Variants in G6PC1 observed in about 807,000 individuals in gnomAD.
The protein encoded by G6PC1 is glucose-6-phosphatase catalytic subunit 1.
A neutral mutation model predicts 30.4 loss-of-function variants in G6PC1; 23 were observed. That is an observed-to-expected ratio of 0.76 (90% CI 0.55 to 1.07). G6PC1 has a LOEUF of 1.07. Among genes scored for constraint, G6PC1 ranks in the 50% least tolerant of loss-of-function variants. The pLI is 0.00. For synonymous variants in G6PC1, 163 were observed against 175.6 expected, an observed-to-expected ratio of 0.93 and a Z score of 0.57; for missense variants, 391 against 433.9, an observed-to-expected ratio of 0.90 and a Z score of 0.88.
chr17:42,901,795 T>A (rs2056028189), intron 1 of G6PC1, among the ~76,000 whole-genome samples: 1 of 152,004 alleles, frequency 6.6e-6, no homozygotes, highest in South Asian at 2.1e-4. Flanking sequence ...TAATGAAAAG[T>A]CACCCTGGGA....
rs545658086 is a variant in G6PC1, at chr17:42,912,631, C to T, written c.*1205C>T. 1 of 130,140 alleles carries T rather than the reference C, an allele frequency of 7.7e-6. No homozygotes were observed. Among genetic ancestry groups the T allele is most frequent in the South Asian group, 2.5e-4 (1 of 4,000 alleles). The allele number at this position is 130,140 out of a possible 1,614,324, so 8.1% of individuals were successfully genotyped here. On this transcript the variant is annotated 3_prime_UTR_variant, in exon 5 of 5. Coordinates refer to ENST00000253801, the MANE Select transcript of G6PC1 (RefSeq NM_000151.4). Reference sequence around the variant, plus strand: ...ACATTCTTAAAGGAAAAGTCAACATCTTCTCTCTTTTTTTTTTTTTTTGAG... The same window carrying T: ...ACATTCTTAAAGGAAAAGTCAACATTTTCTCTCTTTTTTTTTTTTTTTGAG...
rs1332725487 is a variant in G6PC1 at position 42,913,838 on chromosome 17, G to A, written c.*2412G>A. Among the ~76,000 whole-genome samples the A allele has an allele frequency of 2.0e-5, 3 of 152,178 alleles. No homozygotes were observed. Among genetic ancestry groups the A allele is most frequent in the Non-Finnish European group, 4.4e-5 (3 of 68,026 alleles). On this transcript the variant is annotated 3_prime_UTR_variant, in exon 5 of 5. Transcript: ENST00000253801. ...AGAGCCAGTCACAGCACCAAGGAAT[G>A]CTCAAGGGAGCTATTGCAGGTTTCT...
intron 4 of G6PC1, among the ~76,000 whole-genome samples, chr17:42,910,046 G>A (rs896123048): frequency 6.6e-6 from 1 of 151,876 alleles, no homozygotes; most frequent in Non-Finnish European, 1.5e-5. Context: ...TGTATTTTTA[G>A]CAGAGACGGG....
At chr17:42,901,481 G>A (rs2056025659) in intron 1 of G6PC1, among the ~76,000 whole-genome samples, 1 of 152,118 alleles carries the variant, frequency 6.6e-6, no homozygotes. Flanking sequence ...ACTTTGGGAG[G>A]CCGAGGTGGG....
intron 3 of G6PC1, 58 bp downstream of exon 3, chr17:42,907,686 G>T: frequency 1.3e-5 from 15 of 1,168,968 alleles, no homozygotes; most frequent in Non-Finnish European, 1.9e-5. Flanking sequence ...TCTCTCTGTA[G>T]CTGACACACC....
intron 1 of G6PC1, among the ~76,000 whole-genome samples, chr17:42,903,116 C>T (rs2056037268): frequency 7.2e-6 from 1 of 138,202 alleles, no homozygotes; most frequent in South Asian, 2.3e-4. Flanking sequence ...GAGTCTTGCT[C>T]TGTCACCCAG....
At chr17:42,903,252 T>G (rs537723383) in intron 1 of G6PC1, among the ~76,000 whole-genome samples, 1 of 152,068 alleles carries the variant, frequency 6.6e-6, no homozygotes, top group East Asian at 2.0e-4. Context: ...TGGCTAATTC[T>G]TTATATTTTT....
In G6PC1 at chr17:42,912,659, A is replaced by G. The variant is rs1447643965; in HGVS notation, c.*1233A>G. 2.1e-5 allele frequency: 3 copies of G among 145,846 alleles called. No individual in the cohort carries two copies. The highest frequency in any genetic ancestry group is 4.5e-5 in the Non-Finnish European group (3 of 66,796). The allele number at this position is 145,846 out of a possible 1,614,324, so 9.0% of individuals were successfully genotyped here. A position where few individuals can be genotyped will look rare whatever the true frequency, so the allele number is the denominator to read the frequency against. On this transcript the variant is annotated 3_prime_UTR_variant, in exon 5 of 5. Transcript: ENST00000253801. The stretch of plus-strand genomic sequence containing the variant: ...CTCTCTTTTTTTTTTTTTTTGAGAC[A>G]GGGTCTCACTATGTTGCCCAGGCTG...
At chr17:42,904,080 C>T in intron 2 of G6PC1, 40 bp downstream of exon 2, 1 of 1,321,708 alleles carries the variant, frequency 7.6e-7, no homozygotes, top group Non-Finnish European at 1.1e-6. Context: ...CTGAGTGGAC[C>T]TCGTTTACCT....
In G6PC1 at chr17:42,901,042, G is replaced by A. The variant is rs1181764519; in HGVS notation, c.166G>A (p.Ala56Thr). Reference protein sequence around the residue: ...LFPIWFHLQEAVGIKLLWVAV... With the variant: ...LFPIWFHLQETVGIKLLWVAV... ...CCCCATCTGGTTCCATCTTCAGGAA[G>A]CTGTGGGCATTAAACTCCTTTGGGT... is the stretch of plus-strand genomic sequence containing the variant. The change falls in exon 1 of 5, where the codon GCT becomes ACT. Residue 56 changes from alanine to threonine, a missense_variant. Coordinates refer to ENST00000253801, the MANE Select transcript of G6PC1 (RefSeq NM_000151.4). The A allele has an allele frequency of 6.2e-7, 1 of 1,614,082 alleles. No individual in the cohort carries two copies. Among genetic ancestry groups the A allele is most frequent in the African/African-American group, 1.3e-5 (1 of 74,932 alleles).
chr17:42,905,475 CAT>C (rs1555559469), intron 2 of G6PC1, among the ~76,000 whole-genome samples: 11 of 96,312 alleles, frequency 1.1e-4, no homozygotes, highest in Admixed American at 3.6e-4. Context: ...CACACACACA[CAT>C]ATAATACTAG....
At chr17:42,905,589 C>A (rs1436626460) in intron 2 of G6PC1, among the ~76,000 whole-genome samples, 1 of 150,518 alleles carries the variant, frequency 6.6e-6, no homozygotes, top group African/African-American at 2.4e-5. Flanking sequence ...AATATGTTTG[C>A]TTTCATCATA....
At chr17:42,909,451 C>G (rs2056082651) in intron 4 of G6PC1, 33 bp downstream of exon 4, 5 of 1,497,876 alleles carry the variant, frequency 3.3e-6, no homozygotes, top group Non-Finnish European at 4.7e-6. Flanking sequence ...TCCTTCTCCC[C>G]CAAACCCCAT....
rs1414422031 is a variant in G6PC1 at position 42,901,188 on chromosome 17, TC to T, written c.230+86del. 1.0e-4 allele frequency: 129 copies of T among 1,248,648 alleles called. No homozygotes were observed. In the Admixed American group the frequency reaches 2.1e-3, roughly 20 times the overall value. 77.3% of individuals were successfully genotyped at this position (1,248,648 alleles called of 1,614,324 possible). ...AATGTCTGTCCATCAGAAGTTGCTT[TC>T]CCCAGGCTATTCAGGAAGCCACGGG... On this transcript the variant is annotated intron_variant, in intron 1 of 4. Transcript: ENST00000253801.
At position 42,908,988 on chromosome 17, in the gene G6PC1, A is replaced by G. The variant is rs1281346050; in HGVS notation, c.447-315A>G. Among the ~76,000 whole-genome samples, 3 of 151,796 alleles carry G rather than the reference A, an allele frequency of 2.0e-5. 1 individual carries two copies. Among genetic ancestry groups the G allele is most frequent in the South Asian group, 4.2e-4 (2 of 4,796 alleles). On this transcript the variant is annotated intron_variant, in intron 3 of 4. Transcript: ENST00000253801. ...CTCCCAAAGTGCTGGGATTACAAGC[A>G]TAAGCCACCGTGCCTGGTCAATTTT...
chr17:42,905,124 A>G (rs946048311), intron 2 of G6PC1, among the ~76,000 whole-genome samples: 4 of 151,054 alleles, frequency 2.6e-5, no homozygotes, highest in African/African-American at 9.8e-5. Flanking sequence ...AAAAAAAGTA[A>G]ACTATTAATA....
intron 2 of G6PC1, 76 bp from the exon 3 acceptor site, chr17:42,907,447 T>C: frequency 1.0e-6 from 1 of 955,894 alleles, no homozygotes; most frequent in Non-Finnish European, 1.7e-6. Context: ...GATGGCTGGG[T>C]GGCTGGGTAG....
At position 42,905,441 on chromosome 17, in the gene G6PC1, T is replaced by C. The variant is rs202073514; in HGVS notation, c.340+1401T>C. On this transcript the variant is annotated intron_variant, in intron 2 of 4. Transcript: ENST00000253801. ...AAAAAAAAAAAAAAATATATATATA[T>C]ATACACACACACACACACACACACA... 3.1e-3 allele frequency among the ~76,000 whole-genome samples: 317 copies of C among 103,244 alleles called. 3 individuals are homozygous for C. Among genetic ancestry groups the C allele is most frequent in the African/African-American group, 0.014 (296 of 21,762 alleles). The allele number at this position is 103,244 out of a possible 152,430, so 67.7% of individuals were successfully genotyped here. A position where few individuals can be genotyped will look rare whatever the true frequency, so the allele number is the denominator to read the frequency against.
rs80356482 is a variant in G6PC1, at chr17:42,909,418, G to C, written c.562G>C (p.Gly188Arg). ...PHQVVAGVLS[G>R]IAVAETFSHI... ...TCAAGTTGTTGCTGGAGTCCTGTCAGGTATGGGCTGATCTGACTCCCTTCC... is the reference window on the plus strand; with the variant it reads ...TCAAGTTGTTGCTGGAGTCCTGTCACGTATGGGCTGATCTGACTCCCTTCC... The change falls in exon 4 of 5, where the codon GGC (glycine) becomes CGC (arginine). Residue 188 changes from glycine (G) to arginine (R), a missense_variant and splice_region_variant. Gly to Arg is a moderately radical substitution (Grantham distance 125). Coordinates refer to ENST00000253801, the MANE Select transcript of G6PC1 (RefSeq NM_000151.4). The C allele has an allele frequency of 5.8e-5, 93 of 1,608,352 alleles. No individual in the cohort carries two copies. Among genetic ancestry groups the C allele is most frequent in the Non-Finnish European group, 7.7e-5 (90 of 1,174,848 alleles).
Sources: gnomAD v4.1 joint callset for allele counts (sites outside exome capture counted in the v4.1 genomes callset) on GRCh38, gnomAD v4.1.1 for gene constraint, MANE v1.5 for transcripts, NCBI Gene and HGNC (gene_info 2026-07-23, HGNC 2026-07-21) for gene names.